The following CDYL variants were observed in gnomAD, a reference collection of about 807,000 sequenced individuals.
CDYL encodes chromodomain Y-like protein.
In CDYL, 8 loss-of-function variants were observed where a neutral mutation model predicts 47.3. The observed-to-expected ratio is 0.17, with a 90% CI of 0.10 to 0.31. CDYL has a LOEUF of 0.31. Ranked by LOEUF, CDYL falls within the 10% of genes least tolerant of loss-of-function variation. The pLI, the probability that CDYL is intolerant of heterozygous loss-of-function variation, is 1.00. For synonymous variants in CDYL, 266 were observed against 265.0 expected (o/e 1.00, Z -0.04); for missense variants, 471 against 701.4 (o/e 0.67, Z 3.71).
chr6:4,717,740 A>AAAAAAAAAAAAT lies in CDYL; in HGVS notation c.103+1859_103+1860insAAAAAAAAAAAT, dbSNP rs1491395482. 5.0e-5 allele frequency among the ~76,000 whole-genome samples: 6 copies of AAAAAAAAAAAAT among 118,824 alleles called. 1 individual carries two copies. The highest frequency in any genetic ancestry group is 2.4e-4 in the East Asian group (1 of 4,120). The allele number at this position is 118,824 out of a possible 152,430, so 78.0% of individuals were successfully genotyped here. A position where few individuals can be genotyped will look rare whatever the true frequency, so the allele number is the denominator to read the frequency against. On this transcript the variant is annotated intron_variant, in intron 2 of 8. Transcript: ENST00000328908. The stretch of plus-strand genomic sequence containing the variant: ...AAAAAAAAAAAAAAAAAAAAAAAAA[A>AAAAAAAAAAAAT]TTAAAAATTGAAAGGGATTTTTGTT...
intron 3 of CDYL, among the ~76,000 whole-genome samples, chr6:4,739,814 A>C (rs1013694151): frequency 6.6e-6 from 1 of 151,920 alleles, no homozygotes; most frequent in South Asian, 2.1e-4. Flanking sequence ...TTAGCTGGGC[A>C]TGGTGGCGCA....
intron 1 of CDYL, among the ~76,000 whole-genome samples, chr6:4,788,957 G>C (rs890830657): frequency 1.2e-4 from 18 of 152,084 alleles, no homozygotes; most frequent in African/African-American, 4.1e-4. Flanking sequence ...ATGTGAGTTA[G>C]AGCCCTCCCT....
At chr6:4,846,402 TACAA>T (rs1421970570) in intron 1 of CDYL, among the ~76,000 whole-genome samples, 4 of 152,184 alleles carry the variant, frequency 2.6e-5, no homozygotes, top group Admixed American at 6.5e-5. Flanking sequence ...GCTTGTAAAA[TACAA>T]ACAATCAAAA....
chr6:4,935,286 A>T (rs1758156062), intron 2 of CDYL, among the ~76,000 whole-genome samples: 1 of 152,158 alleles, frequency 6.6e-6, no homozygotes, highest in Non-Finnish European at 1.5e-5. Flanking sequence ...CTCCATCTGT[A>T]TTTTTTAGGC....
intron 3 of CDYL, among the ~76,000 whole-genome samples, chr6:4,765,711 A>C (rs919846193): frequency 6.6e-6 from 1 of 151,980 alleles, no homozygotes; most frequent in African/African-American, 2.4e-5. Flanking sequence ...CTACAAGTGC[A>C]TGCCACCACA....
Position 4,715,768 on chromosome 6 carries a change from G to A in CDYL, c.-11G>A, listed in dbSNP as rs368064519. 2.0e-5 allele frequency: 33 copies of A among 1,613,782 alleles called. 1 individual carries two copies. The highest frequency in any genetic ancestry group is 1.3e-4 in the Admixed American group (8 of 59,960). ...GGTCATCAGAGAACACAGAGCCCCC[G>A]GAAGAATTTTATGACATTTCAGGCA... On this transcript the variant is annotated 5_prime_UTR_variant, in exon 2 of 9. Coordinates refer to the CDYL transcript ENST00000328908.
At chr6:4,800,974 G>A (rs1759210405) in intron 1 of CDYL, among the ~76,000 whole-genome samples, 1 of 152,170 alleles carries the variant, frequency 6.6e-6, no homozygotes, top group South Asian at 2.1e-4. Context: ...CAGTTGTTGT[G>A]TCTTCAGATG....
At chr6:4,765,860 G>A (rs762160380) in intron 3 of CDYL, among the ~76,000 whole-genome samples, 1 of 151,946 alleles carries the variant, frequency 6.6e-6, no homozygotes, top group Non-Finnish European at 1.5e-5. Flanking sequence ...CACCATGCCT[G>A]TTGAACAAAG....
At chr6:4,843,829 TC>T (rs1284102105) in intron 1 of CDYL, among the ~76,000 whole-genome samples, 2 of 152,224 alleles carry the variant, frequency 1.3e-5, no homozygotes, top group Non-Finnish European at 2.9e-5. Flanking sequence ...TTGTGGCAAT[TC>T]AGAGATTTCT....
At chr6:4,751,870 G>A (rs1203833999) in intron 3 of CDYL, among the ~76,000 whole-genome samples, 1 of 152,222 alleles carries the variant, frequency 6.6e-6, no homozygotes, top group Non-Finnish European at 1.5e-5. Flanking sequence ...TTCACAAGTT[G>A]AAGAAATATT....
At chr6:4,792,585 A>T (rs576738257) in intron 1 of CDYL, among the ~76,000 whole-genome samples, 1 of 151,998 alleles carries the variant, frequency 6.6e-6, no homozygotes, top group Non-Finnish European at 1.5e-5. Flanking sequence ...ACAGGCACAC[A>T]CTACCATGGC....
intron 2 of CDYL, among the ~76,000 whole-genome samples, chr6:4,734,525 GCTCT>G (rs367734288): frequency 6.6e-6 from 1 of 152,196 alleles, no homozygotes; most frequent in Non-Finnish European, 1.5e-5. Context: ...GAGTGTAGCT[GCTCT>G]CTCTGTCTGC....
intron 1 of CDYL, among the ~76,000 whole-genome samples, chr6:4,834,002 A>T (rs889721684): frequency 6.6e-6 from 1 of 151,262 alleles, no homozygotes; most frequent in Non-Finnish European, 1.5e-5. Context: ...AATACAACAC[A>T]CTGATGGGTC....
At chr6:4,706,444 A>ATTTG in intron 1 of CDYL, among the ~76,000 whole-genome samples, 1 of 150,220 alleles carries the variant, frequency 6.7e-6, no homozygotes, top group East Asian at 1.9e-4. Flanking sequence ...TTTTCTTTTC[A>ATTTG]TTTGTTTGTT....
At position 4,715,763 on chromosome 6, in the gene CDYL, C is replaced by T. The variant is rs778140923; in HGVS notation, c.-16C>T. On this transcript the variant is annotated 5_prime_UTR_variant, in exon 2 of 9. Transcript: ENST00000328908. ...CAGGTGGTCATCAGAGAACACAGAG[C>T]CCCCGGAAGAATTTTATGACATTTC... The T allele has an allele frequency of 8.1e-6, 13 of 1,613,632 alleles. No homozygotes were observed. The East Asian group carries it at 1.1e-4, about 14-fold the overall frequency.
intron 2 of CDYL, among the ~76,000 whole-genome samples, chr6:4,716,774 C>T (rs7774690): frequency 0.25 from 37,631 of 151,678 alleles, 4,976 homozygotes; most frequent in African/African-American, 0.32. Flanking sequence ...TTACCGTATA[C>T]GGTGTTGGGT....
chr6:4,774,326 A>T (rs1339048105), upstream of CDYL, among the ~76,000 whole-genome samples: 1 of 152,214 alleles, frequency 6.6e-6, no homozygotes, highest in Non-Finnish European at 1.5e-5. Context: ...ATGCTTTGAG[A>T]TTTCCCAAAT....
chr6:4,949,852 G>A (rs1301868615), intron 5 of CDYL, among the ~76,000 whole-genome samples: 2 of 152,160 alleles, frequency 1.3e-5, no homozygotes, highest in South Asian at 2.1e-4. Context: ...CAACTCACTG[G>A]CCGTGTTTAA....
At chr6:4,894,133 C>T (rs1363973103) in intron 2 of CDYL, among the ~76,000 whole-genome samples, 1 of 152,232 alleles carries the variant, frequency 6.6e-6, no homozygotes, top group African/African-American at 2.4e-5. Flanking sequence ...GTAGAAGGGA[C>T]TCACTTAATA....
Sources: allele counts gnomAD v4.1 joint callset (sites outside exome capture counted in the v4.1 genomes callset), GRCh38; gene constraint gnomAD v4.1.1; transcripts MANE v1.5; gene names NCBI Gene and HGNC (gene_info 2026-07-23, HGNC 2026-07-21).